IPO7: variants seen among roughly 807,000 people sequenced by gnomAD.
IPO7 encodes the protein importin-7.
IPO7 carries 13 observed loss-of-function variants against 136.4 expected under a neutral mutation model. That is an observed-to-expected ratio of 0.10 (90% CI 0.06 to 0.15). IPO7 has a LOEUF of 0.15. Among genes scored for constraint, IPO7 ranks in the 10% least tolerant of loss-of-function variants. The pLI is 1.00. For synonymous variants in IPO7, 403 were observed against 404.4 expected (o/e 1.00, Z 0.04); for missense variants, 857 against 1,240.6 (o/e 0.69, Z 4.65).
chr11:9,388,348 T>A (rs1337949283), intron 1 of IPO7, among the ~76,000 whole-genome samples: 1 of 151,728 alleles, frequency 6.6e-6, no homozygotes, highest in Non-Finnish European at 1.5e-5. Context: ...TGGCTAATTC[T>A]GTATTTTTAG....
chr11:9,393,635 G>A (rs892677708), intron 1 of IPO7, among the ~76,000 whole-genome samples: 1 of 151,964 alleles, frequency 6.6e-6, no homozygotes, highest in African/African-American at 2.4e-5. Context: ...CACCCTCCTC[G>A]GCCTCCCAAA....
chr11:9,437,931 C>A lies in IPO7; in HGVS notation c.2446C>A (p.His816Asn). The A allele has an allele frequency of 6.2e-7, 1 of 1,612,868 alleles. No homozygotes were observed. Among genetic ancestry groups the A allele is most frequent in the African/African-American group, 1.3e-5 (1 of 74,686 alleles). ...FPNNVEPVTN[H>N]FITQWLNDVD... ...TAATAATGTTGAACCAGTTACAAAT[C>A]ATTTTATTACACAGTGGCTTAATGA... Residue 816 changes from histidine (H) to asparagine (N), a missense_variant, in exon 21 of 25, where the codon CAT becomes AAT. Coordinates refer to ENST00000379719, the MANE Select transcript of IPO7 (RefSeq NM_006391.3).
chr11:9,437,879 C>G lies in IPO7; in HGVS notation c.2394C>G (p.Leu798=), dbSNP rs770209679. The G allele has an allele frequency of 6.2e-6, 10 of 1,613,428 alleles. No individual in the cohort carries two copies. Among genetic ancestry groups the G allele is most frequent in the African/African-American group, 1.3e-5 (1 of 74,866 alleles). ...AALYYNPHLL[L]NTLENLRFPN... is the part of the protein sequence containing the mutation. ...TGTATTATAATCCACACCTACTACT[C>G]AATACCTTAGAAAATCTTCGCTTCC... is the stretch of plus-strand genomic sequence containing the variant. Residue 798 remains leucine, a synonymous_variant, in exon 21 of 25, where the codon CTC becomes CTG. Coordinates refer to ENST00000379719, the MANE Select transcript of IPO7 (RefSeq NM_006391.3).
intron 4 of IPO7, among the ~76,000 whole-genome samples, chr11:9,413,277 A>G (rs147271647): frequency 5.5e-4 from 83 of 152,192 alleles, no homozygotes; most frequent in Non-Finnish European, 1.0e-3. Context: ...CTCATAATTG[A>G]TAGCCTGTTG....
intron 1 of IPO7, among the ~76,000 whole-genome samples, chr11:9,392,574 G>T (rs1421402445): frequency 1.3e-5 from 2 of 152,120 alleles, no homozygotes; most frequent in Non-Finnish European, 2.9e-5. Flanking sequence ...TCTACCTCCT[G>T]TGTTCCTTAA....
chr11:9,397,063 C>T (rs1854718575), intron 1 of IPO7, among the ~76,000 whole-genome samples: 1 of 151,518 alleles, frequency 6.6e-6, no homozygotes, highest in South Asian at 2.1e-4. Flanking sequence ...GTTAGATTTG[C>T]TTGCCTTAAC....
Position 9,445,289 on chromosome 11 carries a change from C to T in IPO7, c.*95C>T, listed in dbSNP as rs11042357. On this transcript the variant is annotated 3_prime_UTR_variant, in exon 25 of 25. Coordinates refer to ENST00000379719, the MANE Select transcript of IPO7 (RefSeq NM_006391.3). ...ACTGGTTCATGTTATCTATTCTAAA[C>T]TAATAATCAATAGATGGACAAAAGA... The T allele has an allele frequency of 7.3e-5, 39 of 537,766 alleles. No individual in the cohort carries two copies. The East Asian group carries it at 1.5e-3, about 21-fold the overall frequency. 33.3% of individuals were successfully genotyped at this position (537,766 alleles called of 1,614,324 possible).
chr11:9,416,999 AAAG>A lies in IPO7; in HGVS notation c.637-56_637-54del, dbSNP rs1390479034. On this transcript the variant is annotated intron_variant, in intron 5 of 24. Coordinates refer to ENST00000379719, the MANE Select transcript of IPO7 (RefSeq NM_006391.3). ...TTTTGGTAGGTATTGTGAAGAGTAA[AAAG>A]AAGTAGGATTTTCTTTAGCAAGGAT... The A allele has an allele frequency of 4.9e-6, 4 of 820,902 alleles. No homozygotes were observed. In the East Asian group the frequency reaches 7.5e-5, roughly 15 times the overall value. The allele number at this position is 820,902 out of a possible 1,614,324, so 50.9% of individuals were successfully genotyped here. A position where few individuals can be genotyped will look rare whatever the true frequency, so the allele number is the denominator to read the frequency against.
chr11:9,418,080 TG>T (rs1346962916), intron 6 of IPO7, among the ~76,000 whole-genome samples: 1 of 151,120 alleles, frequency 6.6e-6, no homozygotes, highest in African/African-American at 2.4e-5. Flanking sequence ...TGTTTTGTTT[TG>T]TTTTTTTGAG....
intron 2 of IPO7, among the ~76,000 whole-genome samples, chr11:9,405,100 A>AATT (rs541717152): frequency 1.6e-4 from 24 of 151,920 alleles, no homozygotes; most frequent in South Asian, 8.3e-4. Flanking sequence ...GGCAGATAGG[A>AATT]ATTATTATTA....
At chr11:9,427,004 G>A (rs760609669) in intron 12 of IPO7, among the ~76,000 whole-genome samples, 5 of 151,818 alleles carry the variant, frequency 3.3e-5, no homozygotes, top group African/African-American at 4.8e-5. Context: ...TCAGGTGCCT[G>A]CCCCCAGCCT....
At chr11:9,422,033 A>G (rs1356286168) in intron 8 of IPO7, among the ~76,000 whole-genome samples, 3 of 152,204 alleles carry the variant, frequency 2.0e-5, no homozygotes, top group Admixed American at 2.0e-4. Flanking sequence ...TAATCCCAGC[A>G]CTTTGGAAGG....
chr11:9,412,498 T>G (rs528918922), intron 4 of IPO7, among the ~76,000 whole-genome samples: 129 of 152,318 alleles, frequency 8.5e-4, no homozygotes, highest in African/African-American at 3.0e-3. Context: ...TTTTAAAAAT[T>G]TAGTCTGCCT....
At chr11:9,443,546 G>C (rs575828498) in intron 24 of IPO7, among the ~76,000 whole-genome samples, 13 of 146,868 alleles carry the variant, frequency 8.9e-5, no homozygotes, top group African/African-American at 3.0e-4. Flanking sequence ...AGCCGAGGTC[G>C]CGCCATTGCA....
chr11:9,412,023 T>C (rs906504758), intron 4 of IPO7, among the ~76,000 whole-genome samples: 21 of 152,226 alleles, frequency 1.4e-4, no homozygotes, highest in African/African-American at 5.1e-4. Flanking sequence ...TGTATAATTG[T>C]AGTTTGTATA....
At chr11:9,416,609 C>G (rs555506976) in intron 5 of IPO7, among the ~76,000 whole-genome samples, 1 of 152,184 alleles carries the variant, frequency 6.6e-6, no homozygotes, top group South Asian at 2.1e-4. Context: ...GGATTTATCC[C>G]AGGAATACAA....
rs571118982 is a variant in IPO7, at chr11:9,409,909, GT to G, written c.321-10del. 518 of 1,444,788 alleles carry G rather than the reference GT, an allele frequency of 3.6e-4. No individual in the cohort carries two copies. Among genetic ancestry groups the G allele is most frequent in the South Asian group, 1.4e-3 (98 of 70,936 alleles). The allele number at this position is 1,444,788 out of a possible 1,614,324, so 89.5% of individuals were successfully genotyped here. A position where few individuals can be genotyped will look rare whatever the true frequency, so the allele number is the denominator to read the frequency against. ...ACCTAGTTAGGATTTTTTCCTTACT[GT>G]TTTTTTTTGGCTTCCAGGGTACAGC... On this transcript the variant is annotated intron_variant, in intron 3 of 24. Transcript: ENST00000379719.
At chr11:9,436,751 C>G (rs1400674860) in intron 20 of IPO7, among the ~76,000 whole-genome samples, 1 of 144,884 alleles carries the variant, frequency 6.9e-6, no homozygotes, top group African/African-American at 2.5e-5. Context: ...GGCACATTCT[C>G]TGCTGACTGC....
At chr11:9,433,005 T>TTTTTTTTTG (rs1855320210) in intron 16 of IPO7, 2 of 150,198 alleles carry the variant, frequency 1.3e-5, no homozygotes, top group Non-Finnish European at 1.5e-5. Flanking sequence ...TTTTTTTTTT[T>TTTTTTTTTG]GAGATGGAGT....
Sources: allele counts gnomAD v4.1 joint callset (sites outside exome capture counted in the v4.1 genomes callset), GRCh38; gene constraint gnomAD v4.1.1; transcripts MANE v1.5; gene names NCBI Gene and HGNC (gene_info 2026-07-23, HGNC 2026-07-21).